LRBA: variants seen among roughly 807,000 people sequenced by gnomAD.
LRBA encodes LPS responsive beige-like anchor protein, also known as lipopolysaccharide-responsive and beige-like anchor protein.
A neutral mutation model predicts 330.0 loss-of-function variants in LRBA; 176 were observed. The observed-to-expected ratio is 0.53, with a 90% CI of 0.47 to 0.60. The LOEUF (loss-of-function observed/expected upper bound fraction) is 0.60. LRBA is among the 20% of genes least tolerant of loss of function. The pLI is 0.00. For synonymous variants in LRBA, 1,230 were observed against 1,193.0 expected, an observed-to-expected ratio of 1.03 and a Z score of -0.64; for missense variants, 3,259 against 3,444.8, an observed-to-expected ratio of 0.95 and a Z score of 1.35.
intron 2 of LRBA, among the ~76,000 whole-genome samples, chr4:151,008,988 A>AAAAAAAAATAT (rs1554018903): frequency 1.8e-4 from 1 of 5,534 alleles, no homozygotes; most frequent in African/African-American, 4.6e-4. Context: ...AAAAAAAAAA[A>AAAAAAAAATAT]ATATATATAT....
At chr4:150,739,206 T>C (rs1250525983) in intron 35 of LRBA, among the ~76,000 whole-genome samples, 1 of 152,164 alleles carries the variant, frequency 6.6e-6, no homozygotes, top group Non-Finnish European at 1.5e-5. Flanking sequence ...ATTCTAAATT[T>C]GTATGCTCTT....
intron 22 of LRBA, among the ~76,000 whole-genome samples, chr4:150,860,437 T>A (rs1751752004): frequency 6.6e-6 from 1 of 152,176 alleles, no homozygotes; most frequent in African/African-American, 2.4e-5. Flanking sequence ...TCAGTGTGGT[T>A]CTTGGTCAAA....
At chr4:150,288,231 G>A (rs541134890) in intron 53 of LRBA, among the ~76,000 whole-genome samples, 76 of 151,854 alleles carry the variant, frequency 5.0e-4, no homozygotes, top group African/African-American at 1.5e-3. Flanking sequence ...CGCCTGCCTC[G>A]GCCTCCCAAA....
At chr4:150,963,859 C>A (rs1302130627) in intron 2 of LRBA, among the ~76,000 whole-genome samples, 1 of 147,736 alleles carries the variant, frequency 6.8e-6, no homozygotes, top group African/African-American at 2.7e-5. Context: ...AAGTGAGGAG[C>A]GTCTCTGCCT....
In LRBA at chr4:150,961,433, G is replaced by GA. The variant is rs1374529075; in HGVS notation, c.217-32369dup. ...CCTGAGAAAACTTAAAGCTAAGACA[G>GA]AAGAAACAGAGATTAGCCAGAAAAA... is the stretch of plus-strand genomic sequence containing the variant. On this transcript the variant is annotated intron_variant, in intron 2 of 56. Transcript: ENST00000651943. 1.3e-5 allele frequency among the ~76,000 whole-genome samples: 2 copies of GA among 149,154 alleles called. 1 individual carries two copies. Among genetic ancestry groups the GA allele is most frequent in the African/African-American group, 5.2e-5 (2 of 38,684 alleles).
At position 150,587,199 on chromosome 4, in the gene LRBA, T is replaced by C. The variant is rs541596953; in HGVS notation, c.6330+849A>G. Among the ~76,000 whole-genome samples, 28 of 152,256 alleles carry C rather than the reference T, an allele frequency of 1.8e-4. No individual in the cohort carries two copies. In the South Asian group the frequency reaches 3.9e-3, roughly 21 times the overall value. ...ACTACTTTGAAATACTTCTAAATCA[T>C]TCAGATTTAAAAATTCACATGATTA... is the stretch of plus-strand genomic sequence containing the variant. On this transcript the variant is annotated intron_variant, in intron 40 of 56. Coordinates refer to ENST00000651943, the MANE Select transcript of LRBA (RefSeq NM_001364905.1).
At chr4:150,927,514 A>G (rs1004000032) in intron 4 of LRBA, among the ~76,000 whole-genome samples, 1 of 152,148 alleles carries the variant, frequency 6.6e-6, no homozygotes, top group Non-Finnish European at 1.5e-5. Flanking sequence ...GCACAAAAAG[A>G]TTAAAAAAAG....
rs1026998932 is a variant in LRBA at position 150,359,905 on chromosome 4, G to C, written c.7195-9746C>G. 2.0e-5 allele frequency among the ~76,000 whole-genome samples: 3 copies of C among 151,858 alleles called. No homozygotes were observed. In the South Asian group the frequency reaches 6.2e-4, roughly 32 times the overall value. The stretch of plus-strand genomic sequence containing the variant: ...TGAGGCAGGAGAATCTCTTGAATCC[G>C]GGAGGTGGAGGTTGCAGTGAGCCAA... On this transcript the variant is annotated intron_variant, in intron 47 of 56. Coordinates refer to ENST00000651943, the MANE Select transcript of LRBA (RefSeq NM_001364905.1).
intron 42 of LRBA, among the ~76,000 whole-genome samples, chr4:150,476,382 A>G (rs1756703966): frequency 6.6e-6 from 1 of 152,280 alleles, no homozygotes; most frequent in South Asian, 2.1e-4. Flanking sequence ...AAGCACTAAT[A>G]GCTACATGGC....
At chr4:150,804,297 T>C (rs1267603131) in intron 33 of LRBA, among the ~76,000 whole-genome samples, 5 of 152,164 alleles carry the variant, frequency 3.3e-5, no homozygotes, top group Non-Finnish European at 7.4e-5. Flanking sequence ...AATAAACTCA[T>C]TGTTACTTTT....
At chr4:150,817,957 AT>A (rs1383461837) in intron 30 of LRBA, among the ~76,000 whole-genome samples, 1 of 152,122 alleles carries the variant, frequency 6.6e-6, no homozygotes, top group Non-Finnish European at 1.5e-5. Flanking sequence ...AACTCAGTTA[AT>A]GAGGTAAAGA....
chr4:150,552,893 C>T (rs1446299317), intron 40 of LRBA, among the ~76,000 whole-genome samples: 4 of 151,634 alleles, frequency 2.6e-5, no homozygotes, highest in Admixed American at 2.6e-4. Context: ...CACGGTGAAA[C>T]CCCGTCTCTA....
At chr4:150,795,144 G>A (rs1379969636) in intron 34 of LRBA, among the ~76,000 whole-genome samples, 4 of 152,026 alleles carry the variant, frequency 2.6e-5, no homozygotes, top group East Asian at 1.9e-4. Flanking sequence ...GCAACACAAC[G>A]CTTTTATAAA....
At chr4:150,487,607 T>A in intron 42 of LRBA, 125 bp downstream of exon 42, 1 of 454,796 alleles carries the variant, frequency 2.2e-6, no homozygotes, top group Non-Finnish European at 3.9e-6. Flanking sequence ...AAACAGAAAG[T>A]TATAAATTTC....
At chr4:150,752,540 G>A (rs377355774) in intron 35 of LRBA, among the ~76,000 whole-genome samples, 14 of 151,862 alleles carry the variant, frequency 9.2e-5, no homozygotes, top group East Asian at 3.9e-4. Context: ...GATCTTTCTC[G>A]GTTGAAATTT....
intron 2 of LRBA, among the ~76,000 whole-genome samples, chr4:150,951,190 A>C (rs1736794242): frequency 6.6e-6 from 1 of 152,148 alleles, no homozygotes; most frequent in African/African-American, 2.4e-5. Flanking sequence ...TTTATACTTA[A>C]GCTACTTTGA....
intron 28 of LRBA, among the ~76,000 whole-genome samples, chr4:150,832,779 CTT>C (rs1035599903): frequency 1.3e-5 from 2 of 151,750 alleles, no homozygotes; most frequent in Non-Finnish European, 2.9e-5. Flanking sequence ...GGAATTCCTT[CTT>C]TTTTTTGAGA....
intron 40 of LRBA, among the ~76,000 whole-genome samples, chr4:150,569,692 A>G (rs1429701304): frequency 6.6e-6 from 1 of 152,182 alleles, no homozygotes; most frequent in African/African-American, 2.4e-5. Context: ...TAATTAACAG[A>G]GATTATGCTT....
intron 28 of LRBA, among the ~76,000 whole-genome samples, chr4:150,834,961 C>T (rs963538592): frequency 2.0e-5 from 3 of 152,076 alleles, no homozygotes; most frequent in African/African-American, 7.2e-5. Flanking sequence ...GTCTTTGATC[C>T]ATCTTGAATT....
Sources: allele counts gnomAD v4.1 joint callset (sites outside exome capture counted in the v4.1 genomes callset), GRCh38; gene constraint gnomAD v4.1.1; transcripts MANE v1.5; gene names NCBI Gene and HGNC (gene_info 2026-07-23, HGNC 2026-07-21).